The following PNLIPRP3 variants were observed in gnomAD, a reference collection of about 807,000 sequenced individuals.
The protein encoded by PNLIPRP3 is pancreatic lipase related protein 3.
Under a neutral mutation model 52.8 loss-of-function variants are expected in PNLIPRP3, and 58 were observed. The ratio of observed to expected loss-of-function variants is 1.10; its 90% confidence interval spans 0.89 to 1.37. The LOEUF (loss-of-function observed/expected upper bound fraction) is 1.37, where lower values mean the gene tolerates loss of function less well. Among genes scored for constraint, PNLIPRP3 ranks in the 40% most tolerant of loss-of-function variants. The pLI, the probability that PNLIPRP3 is intolerant of heterozygous loss-of-function variation, is 0.00. For missense variants in PNLIPRP3, 593 were observed against 561.6 expected, an observed-to-expected ratio of 1.06 and a Z score of -0.57; for synonymous variants, 192 against 185.0, an observed-to-expected ratio of 1.04 and a Z score of -0.31.
At chr10:116,446,466 G>T (rs1355449414) in intron 4 of PNLIPRP3, among the ~76,000 whole-genome samples, 1 of 150,904 alleles carries the variant, frequency 6.6e-6, no homozygotes, top group Non-Finnish European at 1.5e-5. Flanking sequence ...AATATTCTTT[G>T]TTCTGTGACT....
Position 116,469,312 on chromosome 10 carries a change from T to G in PNLIPRP3, c.1055T>G (p.Phe352Cys), listed in dbSNP as rs553031574. 17 of 1,602,446 alleles carry G rather than the reference T, an allele frequency of 1.1e-5. No individual in the cohort carries two copies. In the South Asian group the frequency reaches 1.9e-4, roughly 18 times the overall value. ...TTAAACACAGGGTCCCTTTCCCCAT[T>G]TGCCCGTAAGTATCATAGCTAAGTT... is the stretch of plus-strand genomic sequence containing the variant. ...YFLNTGSLSPFARWRHKLSVK... is the reference protein window; with the variant it reads ...YFLNTGSLSPCARWRHKLSVK... The change falls in exon 9 of 12, where the codon TTT becomes TGT. Residue 352 changes from phenylalanine to cysteine, a missense_variant. Coordinates refer to ENST00000369230, the MANE Select transcript of PNLIPRP3 (RefSeq NM_001011709.3).
chr10:116,434,486 C>A (rs1301654658), intron 1 of PNLIPRP3, among the ~76,000 whole-genome samples: 1 of 152,122 alleles, frequency 6.6e-6, no homozygotes, highest in Non-Finnish European at 1.5e-5. Flanking sequence ...ATTAATCTTT[C>A]AATCTTTTCT....
chr10:116,446,933 A>T (rs1564696878), intron 4 of PNLIPRP3, among the ~76,000 whole-genome samples: 1 of 152,140 alleles, frequency 6.6e-6, no homozygotes, highest in Non-Finnish European at 1.5e-5. Flanking sequence ...GGGGCTGCTT[A>T]GGGTAATCAC....
chr10:116,456,302 T>C (rs1589984456), intron 5 of PNLIPRP3, among the ~76,000 whole-genome samples: 1 of 152,282 alleles, frequency 6.6e-6, no homozygotes, highest in East Asian at 1.9e-4. Flanking sequence ...AATAATTTAT[T>C]ACATGTTTCA....
intron 5 of PNLIPRP3, among the ~76,000 whole-genome samples, chr10:116,458,440 G>T (rs968508204): frequency 4.1e-5 from 5 of 123,404 alleles, no homozygotes; most frequent in African/African-American, 1.6e-4. Context: ...TTACGTCTTG[G>T]AAAGACTGTC....
chr10:116,468,504 A>T (rs1395402414), intron 8 of PNLIPRP3, among the ~76,000 whole-genome samples: 1 of 152,194 alleles, frequency 6.6e-6, no homozygotes. Context: ...ACAAATCAAC[A>T]TAAATATCTC....
rs769288184 is a variant in PNLIPRP3, at chr10:116,477,186, A to T, written c.*33A>T. On this transcript the variant is annotated 3_prime_UTR_variant, in exon 12 of 12. Coordinates refer to ENST00000369230, the MANE Select transcript of PNLIPRP3 (RefSeq NM_001011709.3). ...TACAGTCTTGATGGATTTCTTTAGT[A>T]GGAGCAATGAAGAAAAGTGTCTCCT... The T allele has an allele frequency of 6.5e-7, 1 of 1,527,456 alleles. No homozygotes were observed. The highest frequency in any genetic ancestry group is 1.8e-5 in the Admixed American group (1 of 56,118). The allele number at this position is 1,527,456 out of a possible 1,614,324, so 94.6% of individuals were successfully genotyped here. A position where few individuals can be genotyped will look rare whatever the true frequency, so the allele number is the denominator to read the frequency against.
chr10:116,473,764 A>C (rs2163486), intron 10 of PNLIPRP3, among the ~76,000 whole-genome samples: 1 of 151,962 alleles, frequency 6.6e-6, no homozygotes, highest in Non-Finnish European at 1.5e-5. Flanking sequence ...CAAGTGATCC[A>C]CCCACTTCGG....
chr10:116,477,615 A>T lies in PNLIPRP3; in HGVS notation c.*462A>T, dbSNP rs1846496470. On this transcript the variant is annotated 3_prime_UTR_variant, in exon 12 of 12. Transcript: ENST00000369230. ...AAATTATGACTATAGTGCATGATATATAGTAGATTATAACCTTGTGGGTTG... is the reference window on the plus strand; with the variant it reads ...AAATTATGACTATAGTGCATGATATTTAGTAGATTATAACCTTGTGGGTTG... The T allele has an allele frequency of 6.5e-6, 1 of 153,302 alleles. No homozygotes were observed. Among genetic ancestry groups the T allele is most frequent in the South Asian group, 2.1e-4 (1 of 4,866 alleles). The allele number at this position is 153,302 out of a possible 1,614,324, so 9.5% of individuals were successfully genotyped here.
intron 9 of PNLIPRP3, among the ~76,000 whole-genome samples, chr10:116,470,760 G>C (rs1004749014): frequency 3.9e-5 from 6 of 151,986 alleles, no homozygotes; most frequent in Non-Finnish European, 7.4e-5. Context: ...TGACCGCCTC[G>C]GACTCCCAAA....
At position 116,476,662 on chromosome 10, in the gene PNLIPRP3, G is replaced by A. The variant is rs373926805; in HGVS notation, c.1183G>A (p.Glu395Lys). 21 of 1,569,212 alleles carry A rather than the reference G, an allele frequency of 1.3e-5. No homozygotes were observed. The highest frequency in any genetic ancestry group is 8.6e-7 in the Non-Finnish European group (1 of 1,163,188). The part of the protein sequence containing the change: ...GEFAIVSGKL[E>K]PGMTYTKLID... Reference sequence around the variant, plus strand: ...TATTTTTGTTTACAGTGGAAAACTTGAGCCAGGCATGACTTACACAAAATT... The same window carrying A: ...TATTTTTGTTTACAGTGGAAAACTTAAGCCAGGCATGACTTACACAAAATT... Residue 395 changes from glutamate (E) to lysine (K), a missense_variant, in exon 11 of 12, where the codon GAG (glutamate) becomes AAG (lysine). By Grantham distance (56) the Glu-to-Lys change is moderately conservative. Transcript: ENST00000369230.
intron 1 of PNLIPRP3, 50 bp downstream of exon 1, chr10:116,428,111 A>C: frequency 7.8e-7 from 1 of 1,288,892 alleles, no homozygotes; most frequent in African/African-American, 1.5e-5. Context: ...GAGTATACTT[A>C]CATCTAAAAT....
Position 116,473,400 on chromosome 10 carries a change from G to T in PNLIPRP3, c.1172+1521G>T, listed in dbSNP as rs918880356. On this transcript the variant is annotated intron_variant, in intron 10 of 11. Coordinates refer to ENST00000369230, the MANE Select transcript of PNLIPRP3 (RefSeq NM_001011709.3). ...TTGAGCAAGTGGAAACAAAATGATGGTATATAAGGTATATTTTTAATCCCA... is the reference window on the plus strand; with the variant it reads ...TTGAGCAAGTGGAAACAAAATGATGTTATATAAGGTATATTTTTAATCCCA... Among the ~76,000 whole-genome samples the T allele has an allele frequency of 2.6e-5, 4 of 152,256 alleles. No homozygotes were observed. The South Asian group carries it at 6.2e-4, about 24-fold the overall frequency.
intron 1 of PNLIPRP3, among the ~76,000 whole-genome samples, chr10:116,430,567 G>C (rs1055326125): frequency 2.6e-5 from 4 of 152,134 alleles, no homozygotes; most frequent in African/African-American, 7.2e-5. Context: ...AGAAGTTCAA[G>C]GAGAGTACAG....
intron 2 of PNLIPRP3, chr10:116,440,062 G>T (rs565246740): frequency 1.4e-5 from 10 of 710,410 alleles, no homozygotes; most frequent in African/African-American, 8.9e-5. Context: ...TGTATTGTTC[G>T]CTAGTAGATC....
chr10:116,458,405 C>G (rs1471085307), intron 5 of PNLIPRP3, among the ~76,000 whole-genome samples: 1 of 151,598 alleles, frequency 6.6e-6, no homozygotes, highest in South Asian at 2.1e-4. Flanking sequence ...TATCCTAGAA[C>G]AACAAATTCA....
intron 4 of PNLIPRP3, among the ~76,000 whole-genome samples, chr10:116,448,332 G>A (rs1416946845): frequency 1.3e-5 from 2 of 152,124 alleles, no homozygotes; most frequent in Non-Finnish European, 2.9e-5. Flanking sequence ...TTGAAATTAA[G>A]TTGTTATCTC....
At chr10:116,455,656 T>TTAA in intron 4 of PNLIPRP3, 66 bp from the exon 5 acceptor site, 1 of 1,181,244 alleles carries the variant, frequency 8.5e-7, no homozygotes, top group South Asian at 1.3e-5. Context: ...TTTCTATTTT[T>TTAA]AAAGCATATT....
intron 10 of PNLIPRP3, among the ~76,000 whole-genome samples, chr10:116,475,266 C>T (rs551034943): frequency 1.6e-4 from 24 of 152,228 alleles, no homozygotes; most frequent in African/African-American, 5.8e-4. Flanking sequence ...GGAAACAACA[C>T]ACACCAGGAC....
Sources: allele counts gnomAD v4.1 joint callset (sites outside exome capture counted in the v4.1 genomes callset), GRCh38; gene constraint gnomAD v4.1.1; transcripts MANE v1.5; gene names NCBI Gene and HGNC (gene_info 2026-07-23, HGNC 2026-07-21).